MGAT4C: variants seen among roughly 807,000 people sequenced by gnomAD.
The protein encoded by MGAT4C is MGAT4 family member C.
A neutral mutation model predicts 40.1 loss-of-function variants in MGAT4C; 19 were observed. That is an observed-to-expected ratio of 0.47 (90% CI 0.33 to 0.70). MGAT4C has a LOEUF of 0.70. Among genes scored for constraint, MGAT4C ranks in the 30% least tolerant of loss-of-function variants. The probability of loss-of-function intolerance (pLI) is 0.02; values close to 1 mark genes in which losing one functional copy is unlikely to be tolerated. For missense variants in MGAT4C, 491 were observed against 563.2 expected, an observed-to-expected ratio of 0.87 and a Z score of 1.30; for synonymous variants, 181 against 187.1, an observed-to-expected ratio of 0.97 and a Z score of 0.27.
intron 1 of MGAT4C, among the ~76,000 whole-genome samples, chr12:86,733,755 A>C (rs1307659317): frequency 6.6e-6 from 1 of 152,078 alleles, no homozygotes; most frequent in Non-Finnish European, 1.5e-5. Context: ...GACAATTTTG[A>C]TTTAACTGAA....
rs766978013 is a variant in MGAT4C at position 86,179,807 on chromosome 12, CAG to C, written c.-57+76430_-57+76431del. On this transcript the variant is annotated intron_variant, in intron 1 of 4. Coordinates refer to ENST00000611864, the MANE Select transcript of MGAT4C (RefSeq NM_001351288.2). ...AAAGCATTCCATTTTAAAAGGGAAA[CAG>C]AGCATAAAATTTCAGAAAATTTGCA... Among the ~76,000 whole-genome samples the C allele has an allele frequency of 2.6e-4, 40 of 152,206 alleles. No individual in the cohort carries two copies. In the Middle Eastern group the frequency reaches 0.01, roughly 39 times the overall value.
intron 1 of MGAT4C, among the ~76,000 whole-genome samples, chr12:86,241,796 G>A (rs1951799787): frequency 6.6e-6 from 1 of 152,214 alleles, no homozygotes. Flanking sequence ...CACTTCAGGT[G>A]GTTAACCATG....
chr12:86,813,023 T>C (rs1247134669), intron 1 of MGAT4C, among the ~76,000 whole-genome samples: 1 of 152,054 alleles, frequency 6.6e-6, no homozygotes, highest in Non-Finnish European at 1.5e-5. Flanking sequence ...CCTGCAAGGC[T>C]TCTTCTGTTT....
At chr12:86,736,258 C>T (rs1950984189) in intron 1 of MGAT4C, among the ~76,000 whole-genome samples, 1 of 151,732 alleles carries the variant, frequency 6.6e-6, no homozygotes, top group Non-Finnish European at 1.5e-5. Flanking sequence ...TTACTATTAT[C>T]CTAACACCTC....
chr12:86,040,489 G>A (rs1438037444), intron 2 of MGAT4C, among the ~76,000 whole-genome samples: 1 of 152,182 alleles, frequency 6.6e-6, no homozygotes, highest in East Asian at 1.9e-4. Context: ...GAGCTGTGGT[G>A]GGCTCTGCCC....
rs112105323 is a variant in MGAT4C, at chr12:86,399,275, C to T, written c.-120+35882G>A. Among the ~76,000 whole-genome samples the T allele has an allele frequency of 5.2e-3, 790 of 151,258 alleles. 7 individuals carry two copies. Among genetic ancestry groups the T allele is most frequent in the African/African-American group, 0.018 (758 of 41,258 alleles). ...GCGAGCCACTGAGCCCATCCTTTGT[C>T]CAATTACATATTTCTTTTCTTTTTT... On this transcript the variant is annotated intron_variant, in intron 3 of 7. Transcript: ENST00000548651.
rs1028076684 is a variant in MGAT4C at position 85,975,836 on chromosome 12, T to G, written c.*3453A>C. 5 of 151,032 alleles carry G rather than the reference T, an allele frequency of 3.3e-5. No individual in the cohort carries two copies. Among genetic ancestry groups the G allele is most frequent in the Non-Finnish European group, 7.4e-5 (5 of 67,196 alleles). The allele number at this position is 151,032 out of a possible 1,614,324, so 9.4% of individuals were successfully genotyped here. On this transcript the variant is annotated 3_prime_UTR_variant, in exon 5 of 5. Coordinates refer to ENST00000611864, the MANE Select transcript of MGAT4C (RefSeq NM_001351288.2). ...TATAAAGTTTAAGTGTGAGCTCTAT[T>G]ACTCAGTAATATGATGCCATTACTG...
At chr12:86,328,879 G>T (rs1386721474) in intron 4 of MGAT4C, among the ~76,000 whole-genome samples, 1 of 151,158 alleles carries the variant, frequency 6.6e-6, no homozygotes, top group Non-Finnish European at 1.5e-5. Flanking sequence ...GCCAAGGTGG[G>T]CATATCACGA....
Position 85,983,492 on chromosome 12 carries a change from A to T in MGAT4C, c.295+31T>A, listed in dbSNP as rs372625553. ...TATTTTAATGCAAAATATTTTATGT[A>T]TTCTTTATTTAAATGTTTAAGGATA... is the stretch of plus-strand genomic sequence containing the variant. On this transcript the variant is annotated intron_variant, in intron 4 of 4. Transcript: ENST00000611864. 54 of 1,483,732 alleles carry T rather than the reference A, an allele frequency of 3.6e-5. No homozygotes were observed. In the African/African-American group the frequency reaches 7.3e-4, roughly 20 times the overall value. 91.9% of individuals were successfully genotyped at this position (1,483,732 alleles called of 1,614,324 possible). A position where few individuals can be genotyped will look rare whatever the true frequency, so the allele number is the denominator to read the frequency against.
chr12:86,405,153 G>A (rs1446862135), intron 3 of MGAT4C, among the ~76,000 whole-genome samples: 8 of 152,000 alleles, frequency 5.3e-5, no homozygotes, highest in Non-Finnish European at 7.4e-5. Context: ...TATTCCAAAT[G>A]GTGATGGACG....
At chr12:86,327,236 G>A (rs1032856320) in intron 4 of MGAT4C, among the ~76,000 whole-genome samples, 1 of 152,062 alleles carries the variant, frequency 6.6e-6, no homozygotes, top group African/African-American at 2.4e-5. Context: ...CCATATTGAA[G>A]CTGAGGCAAA....
chr12:86,398,731 TA>T (rs1166932955), intron 3 of MGAT4C, among the ~76,000 whole-genome samples: 1 of 151,812 alleles, frequency 6.6e-6, no homozygotes, highest in African/African-American at 2.4e-5. Flanking sequence ...CCTTAGAAAC[TA>T]AAAATATATT....
chr12:86,415,284 G>A (rs1447233962), intron 3 of MGAT4C, among the ~76,000 whole-genome samples: 1 of 151,950 alleles, frequency 6.6e-6, no homozygotes, highest in African/African-American at 2.4e-5. Context: ...GGAATGACAT[G>A]GATATAAGAC....
intron 2 of MGAT4C, among the ~76,000 whole-genome samples, chr12:86,011,097 C>A (rs1421349493): frequency 6.6e-6 from 1 of 152,092 alleles, no homozygotes; most frequent in African/African-American, 2.4e-5. Flanking sequence ...AGAAAACACA[C>A]CAACACAATC....
At chr12:86,107,528 T>C (rs1300474578) in intron 1 of MGAT4C, among the ~76,000 whole-genome samples, 1 of 152,204 alleles carries the variant, frequency 6.6e-6, no homozygotes, top group Non-Finnish European at 1.5e-5. Context: ...GTATTCATAT[T>C]TTCAGCACAG....
At chr12:85,984,552 C>T (rs1027054727) in intron 3 of MGAT4C, among the ~76,000 whole-genome samples, 3 of 151,948 alleles carry the variant, frequency 2.0e-5, no homozygotes, top group Non-Finnish European at 4.4e-5. Flanking sequence ...CACTAATTGC[C>T]CTTCTTTGAT....
intron 3 of MGAT4C, among the ~76,000 whole-genome samples, chr12:86,346,301 T>C (rs1313558045): frequency 6.6e-6 from 1 of 152,128 alleles, no homozygotes. Context: ...CTCAGCTCAC[T>C]GCAACCTCTG....
At chr12:86,078,631 C>T (rs1870238139) in intron 1 of MGAT4C, among the ~76,000 whole-genome samples, 1 of 152,200 alleles carries the variant, frequency 6.6e-6, no homozygotes, top group Admixed American at 6.5e-5. Flanking sequence ...GTCGCTGCTG[C>T]TGGCAAATTG....
intron 2 of MGAT4C, among the ~76,000 whole-genome samples, chr12:86,581,129 G>A (rs1363987003): frequency 6.6e-6 from 1 of 151,342 alleles, no homozygotes; most frequent in Non-Finnish European, 1.5e-5. Context: ...TGCTTAATAT[G>A]AGATTCAGAG....
Sources: allele counts gnomAD v4.1 joint callset (sites outside exome capture counted in the v4.1 genomes callset), GRCh38; gene constraint gnomAD v4.1.1; transcripts MANE v1.5; gene names NCBI Gene and HGNC (gene_info 2026-07-23, HGNC 2026-07-21).